DIAPH3: variants seen among roughly 807,000 people sequenced by gnomAD.
DIAPH3 encodes the protein diaphanous related formin 3, also known as protein diaphanous homolog 3.
Under a neutral mutation model 144.3 loss-of-function variants are expected in DIAPH3, and 117 were observed. The ratio of observed to expected loss-of-function variants is 0.81; its 90% CI spans 0.70 to 0.95. The LOEUF is 0.95. Among genes scored for constraint, DIAPH3 ranks in the 40% least tolerant of loss-of-function variants. The probability of loss-of-function intolerance (pLI) is 0.00; values close to 1 mark genes in which losing one functional copy is unlikely to be tolerated. For missense variants in DIAPH3, 1,421 were observed against 1,412.7 expected (o/e 1.01, Z -0.09); for synonymous variants, 519 against 488.9 (o/e 1.06, Z -0.81).
At chr13:60,007,769 A>T (rs73212297) in intron 9 of DIAPH3, among the ~76,000 whole-genome samples, 1 of 152,340 alleles carries the variant, frequency 6.6e-6, no homozygotes, top group Non-Finnish European at 1.5e-5. Context: ...TTGAATACTT[A>T]AATGTTTAAG....
At chr13:60,151,248 CAT>C (rs1388765766) in intron 1 of DIAPH3, among the ~76,000 whole-genome samples, 1 of 152,274 alleles carries the variant, frequency 6.6e-6, no homozygotes, top group South Asian at 2.1e-4. Flanking sequence ...GCTATCGTAA[CAT>C]GTGTTAACTC....
rs554293678 is a variant in DIAPH3, at chr13:59,872,130, T to C, written c.2607+7099A>G. 2.6e-5 allele frequency among the ~76,000 whole-genome samples: 4 copies of C among 152,296 alleles called. No homozygotes were observed. In the East Asian group the frequency reaches 7.7e-4, roughly 29 times the overall value. On this transcript the variant is annotated intron_variant, in intron 21 of 27. Coordinates refer to ENST00000400324, the MANE Select transcript of DIAPH3 (RefSeq NM_001042517.2). ...TGTCTTACCTACTCCAGAGTCCATTTGCTCTTCTTTTTCTTGTTTCCTAAG... is the reference window on the plus strand; with the variant it reads ...TGTCTTACCTACTCCAGAGTCCATTCGCTCTTCTTTTTCTTGTTTCCTAAG...
chr13:59,842,442 A>G (rs1259075834), intron 22 of DIAPH3, among the ~76,000 whole-genome samples: 1 of 152,154 alleles, frequency 6.6e-6, no homozygotes, highest in Non-Finnish European at 1.5e-5. Flanking sequence ...GACACCAAAT[A>G]CATTGTTCCA....
At chr13:59,750,909 T>C (rs1027350342) in intron 27 of DIAPH3, among the ~76,000 whole-genome samples, 2 of 152,236 alleles carry the variant, frequency 1.3e-5, no homozygotes, top group South Asian at 2.1e-4. Flanking sequence ...AACAGTCTTC[T>C]CTTTCCCTCT....
chr13:59,775,870 T>C (rs1456040229), intron 25 of DIAPH3, among the ~76,000 whole-genome samples: 4 of 152,212 alleles, frequency 2.6e-5, no homozygotes, highest in Non-Finnish European at 5.9e-5. Flanking sequence ...CAATTATCTC[T>C]ACAAAGAACA....
At chr13:59,913,971 G>T (rs2047114754) in intron 19 of DIAPH3, among the ~76,000 whole-genome samples, 1 of 151,516 alleles carries the variant, frequency 6.6e-6, no homozygotes, top group Admixed American at 6.6e-5. Context: ...AAAAACAAAA[G>T]TAATAAAACA....
At chr13:59,843,019 T>C (rs1357091707) in intron 22 of DIAPH3, among the ~76,000 whole-genome samples, 3 of 152,144 alleles carry the variant, frequency 2.0e-5, no homozygotes, top group Non-Finnish European at 4.4e-5. Context: ...CTCGCACCCA[T>C]ACATTGGGTA....
At chr13:59,987,372 G>A (rs1485566035) in intron 12 of DIAPH3, among the ~76,000 whole-genome samples, 2 of 151,156 alleles carry the variant, frequency 1.3e-5, no homozygotes, top group Non-Finnish European at 2.9e-5. Context: ...TATACCTAAG[G>A]CTAGATGACG....
chr13:59,868,834 A>G (rs1465611468), intron 21 of DIAPH3, among the ~76,000 whole-genome samples: 1 of 152,164 alleles, frequency 6.6e-6, no homozygotes, highest in East Asian at 1.9e-4. Flanking sequence ...TAGCCCTTCC[A>G]GTCTGGTTTC....
At chr13:59,871,198 G>T (rs1000176456) in intron 21 of DIAPH3, among the ~76,000 whole-genome samples, 8 of 141,364 alleles carry the variant, frequency 5.7e-5, no homozygotes, top group African/African-American at 1.3e-4. Context: ...TTTTTTTTGG[G>T]GGGGGGGGTG....
At chr13:60,134,363 T>A (rs572888384) in intron 1 of DIAPH3, among the ~76,000 whole-genome samples, 2 of 152,246 alleles carry the variant, frequency 1.3e-5, no homozygotes, top group Non-Finnish European at 2.9e-5. Flanking sequence ...CCTTTGAAAT[T>A]AACAAGTACG....
chr13:59,956,087 G>A (rs1000320284), intron 17 of DIAPH3, among the ~76,000 whole-genome samples: 1 of 152,208 alleles, frequency 6.6e-6, no homozygotes, highest in Non-Finnish European at 1.5e-5. Flanking sequence ...AAGGGAAGTA[G>A]AGCATAGAAG....
rs191749077 is a variant in DIAPH3, at chr13:59,785,066, T to A, written c.3164-10243A>T. 9.7e-4 allele frequency among the ~76,000 whole-genome samples: 147 copies of A among 152,264 alleles called. 3 individuals are homozygous for A. In the South Asian group the frequency reaches 0.012, roughly 12 times the overall value. ...AACAAAGTCTTTGAACTTGTCTTAATCCAGATGTGAAACTGAAAATTTATT... is the reference window on the plus strand; with the variant it reads ...AACAAAGTCTTTGAACTTGTCTTAAACCAGATGTGAAACTGAAAATTTATT... On this transcript the variant is annotated intron_variant, in intron 25 of 27. Coordinates refer to ENST00000400324, the MANE Select transcript of DIAPH3 (RefSeq NM_001042517.2).
At chr13:60,117,855 T>C (rs2058738603) in intron 2 of DIAPH3, among the ~76,000 whole-genome samples, 1 of 152,132 alleles carries the variant, frequency 6.6e-6, no homozygotes, top group Non-Finnish European at 1.5e-5. Flanking sequence ...GGGTTGTTTA[T>C]GTGTGTGTAT....
chr13:59,834,326 C>T (rs1593601533), intron 23 of DIAPH3, among the ~76,000 whole-genome samples: 1 of 151,562 alleles, frequency 6.6e-6, no homozygotes, highest in Admixed American at 6.6e-5. Context: ...CGAAATGGAA[C>T]ATAGTTAAAT....
intron 17 of DIAPH3, among the ~76,000 whole-genome samples, chr13:59,968,542 C>T (rs1275911084): frequency 6.6e-6 from 1 of 152,110 alleles, no homozygotes; most frequent in Non-Finnish European, 1.5e-5. Context: ...CTAGGGTGAG[C>T]TTGCTGAGAA....
At chr13:60,020,179 T>C (rs1320948686) in intron 5 of DIAPH3, among the ~76,000 whole-genome samples, 1 of 152,186 alleles carries the variant, frequency 6.6e-6, no homozygotes, top group African/African-American at 2.4e-5. Flanking sequence ...CCTTCTATTG[T>C]TACATATAAG....
chr13:59,913,374 A>T (rs946121136), intron 19 of DIAPH3, among the ~76,000 whole-genome samples: 1 of 152,200 alleles, frequency 6.6e-6, no homozygotes, highest in Non-Finnish European at 1.5e-5. Context: ...CTGCACAGAC[A>T]GGCACGCATG....
chr13:59,823,587 C>A (rs981741216), intron 24 of DIAPH3, among the ~76,000 whole-genome samples: 1 of 152,132 alleles, frequency 6.6e-6, no homozygotes, highest in African/African-American at 2.4e-5. Flanking sequence ...GCTGGCTCAA[C>A]ACTCGACCAT....
Sources: gnomAD v4.1 joint callset for allele counts (sites outside exome capture counted in the v4.1 genomes callset) on GRCh38, gnomAD v4.1.1 for gene constraint, MANE v1.5 for transcripts, NCBI Gene and HGNC (gene_info 2026-07-23, HGNC 2026-07-21) for gene names.